Variants in CACNA2D4 observed in about 807,000 individuals in gnomAD.
CACNA2D4 encodes calcium voltage-gated channel auxiliary subunit alpha2delta 4.
In CACNA2D4, 157 loss-of-function variants were observed where a neutral mutation model predicts 163.8. The observed-to-expected ratio is 0.96, with a 90% CI of 0.84 to 1.09. The LOEUF (loss-of-function observed/expected upper bound fraction) is 1.09, where lower values mean the gene tolerates loss of function less well. Ranked by LOEUF, CACNA2D4 falls within the 50% of genes least tolerant of loss-of-function variation. The pLI, the probability that CACNA2D4 is intolerant of heterozygous loss-of-function variation, is 0.00. For synonymous variants in CACNA2D4, 598 were observed against 586.9 expected, an observed-to-expected ratio of 1.02 and a Z score of -0.27; for missense variants, 1,410 against 1,479.9, an observed-to-expected ratio of 0.95 and a Z score of 0.78.
chr12:1,864,031 C>G (rs1865585997), intron 18 of CACNA2D4, among the ~76,000 whole-genome samples: 1 of 152,256 alleles, frequency 6.6e-6, no homozygotes, highest in Admixed American at 6.5e-5. Context: ...CGTGAGTGGC[C>G]GGGCCCATCC....
In CACNA2D4 at chr12:1,810,173, G is replaced by A. The variant is rs527866892; in HGVS notation, c.2721+105C>T. 7 of 918,494 alleles carry A rather than the reference G, an allele frequency of 7.6e-6. No homozygotes were observed. In the East Asian group the frequency reaches 1.0e-4, roughly 13 times the overall value. 56.9% of individuals were successfully genotyped at this position (918,494 alleles called of 1,614,324 possible). A position where few individuals can be genotyped will look rare whatever the true frequency, so the allele number is the denominator to read the frequency against. On this transcript the variant is annotated intron_variant, in intron 29 of 37. Coordinates refer to ENST00000382722, the MANE Select transcript of CACNA2D4 (RefSeq NM_172364.5). Reference sequence around the variant, plus strand: ...TTCACCTGAATTGGCCCCGAACAGGGTTCCCTCCTGGGGCCGTGGGGCTCT... The same window carrying A: ...TTCACCTGAATTGGCCCCGAACAGGATTCCCTCCTGGGGCCGTGGGGCTCT...
chr12:1,855,902 G>A (rs1194111574), intron 22 of CACNA2D4, 110 bp downstream of exon 22: 3 of 751,298 alleles, frequency 4.0e-6, no homozygotes, highest in East Asian at 5.3e-5. Flanking sequence ...ATGTGCTAAT[G>A]GGATAGGGCT....
chr12:1,804,041 C>T (rs1863429293), intron 29 of CACNA2D4, among the ~76,000 whole-genome samples: 1 of 152,054 alleles, frequency 6.6e-6, no homozygotes, highest in Non-Finnish European at 1.5e-5. Context: ...TTCTTCACGG[C>T]GCAGCCCTGA....
At chr12:1,795,445 G>A (rs1424662499) in intron 36 of CACNA2D4, 64 bp from the exon 37 acceptor site, 1 of 1,484,854 alleles carries the variant, frequency 6.7e-7, no homozygotes, top group African/African-American at 1.4e-5. Context: ...ACTGGAAAAA[G>A]GTCTGGAAGA....
chr12:1,810,407 C>T (rs763687600), intron 28 of CACNA2D4, 67 bp from the exon 29 acceptor site: 1 of 1,554,300 alleles, frequency 6.4e-7, no homozygotes, highest in South Asian at 1.1e-5. Context: ...CAGCCTGTCC[C>T]CCAGCTCTGG....
intron 26 of CACNA2D4, among the ~76,000 whole-genome samples, chr12:1,826,702 T>G (rs545419621): frequency 0.011 from 1,316 of 122,442 alleles, 10 homozygotes; most frequent in Non-Finnish European, 0.019. Flanking sequence ...CAGGCTGCCC[T>G]TGCCGGGGGC....
At chr12:1,863,430 A>C (rs1487663247) in intron 18 of CACNA2D4, among the ~76,000 whole-genome samples, 1 of 152,194 alleles carries the variant, frequency 6.6e-6, no homozygotes, top group Non-Finnish European at 1.5e-5. Context: ...TTTTCATATA[A>C]ATTTTAGAAC....
At chr12:1,819,779 G>C (rs1003349539) in intron 26 of CACNA2D4, among the ~76,000 whole-genome samples, 15 of 152,326 alleles carry the variant, frequency 9.8e-5, no homozygotes, top group Non-Finnish European at 2.1e-4. Flanking sequence ...TCACAGATAA[G>C]AGCAAGGAGC....
chr12:1,799,985 G>C lies in CACNA2D4; in HGVS notation c.2974+15C>G. 1 of 1,599,814 alleles carries C rather than the reference G, an allele frequency of 6.3e-7. No individual in the cohort carries two copies. The highest frequency in any genetic ancestry group is 8.5e-7 in the Non-Finnish European group (1 of 1,173,418). ...CTGCTCTTCAGCACATGGCCCTGCA[G>C]CTCCGTGCACTCACCCTCGGCCCCT... On this transcript the variant is annotated intron_variant, in intron 33 of 37. Transcript: ENST00000382722. The surrounding 1 kb of genome is among the most constrained non-coding windows in gnomAD (Gnocchi z 4.7).
rs950454471 is a variant in CACNA2D4 at position 1,800,015 on chromosome 12, C to G, written c.2959G>C (p.Asp987His). 1 of 1,604,866 alleles carries G rather than the reference C, an allele frequency of 6.2e-7. No individual in the cohort carries two copies. The highest frequency in any genetic ancestry group is 8.5e-7 in the Non-Finnish European group (1 of 1,175,978). The change falls in exon 33 of 38, where the codon GAC becomes CAC. Residue 987 changes from aspartate to histidine, a missense_variant. Coordinates refer to ENST00000382722, the MANE Select transcript of CACNA2D4 (RefSeq NM_172364.5). ...GTGCACTCACCCTCGGCCCCTCTGT[C>G]GTACCAGGAGCCCCAGACACTCCAC... is the stretch of plus-strand genomic sequence containing the variant. ...LEWSVWGSWY[D>H]RGAEAKSVFH...
intron 26 of CACNA2D4, chr12:1,827,260 C>G (rs1228634641): frequency 7.0e-6 from 1 of 143,114 alleles, no homozygotes; most frequent in African/African-American, 2.6e-5. Flanking sequence ...AGCCTGTGTC[C>G]CAGTTGGGAG....
chr12:1,913,218 A>G (rs1216547846), intron 2 of CACNA2D4, 79 bp from the exon 3 acceptor site: 2 of 941,458 alleles, frequency 2.1e-6, no homozygotes, highest in East Asian at 2.5e-5. Flanking sequence ...ATGGCCTCCA[A>G]CCTCTCCACA....
At position 1,843,983 on chromosome 12, in the gene CACNA2D4, C is replaced by T. The variant is rs1865087440; in HGVS notation, c.2470+419G>A. Reference sequence around the variant, plus strand: ...TTCTTTCTGTTTGGGAAGAGCAGGGCAGCCCCACTGACTTAGTGAGTACTG... The same window carrying T: ...TTCTTTCTGTTTGGGAAGAGCAGGGTAGCCCCACTGACTTAGTGAGTACTG... On this transcript the variant is annotated intron_variant, in intron 25 of 37. Coordinates refer to ENST00000382722, the MANE Select transcript of CACNA2D4 (RefSeq NM_172364.5). The surrounding 1 kb of genome is among the most constrained non-coding windows in gnomAD (Gnocchi z 4.6). Among the ~76,000 whole-genome samples the T allele has an allele frequency of 6.6e-6, 1 of 152,134 alleles. No homozygotes were observed. Among genetic ancestry groups the T allele is most frequent in the South Asian group, 2.1e-4 (1 of 4,826 alleles).
rs74059401 is a variant in CACNA2D4 at position 1,844,680 on chromosome 12, C to T, written c.2343-151G>A. On this transcript the variant is annotated intron_variant, in intron 24 of 37. Coordinates refer to ENST00000382722, the MANE Select transcript of CACNA2D4 (RefSeq NM_172364.5). This position sits in a 1 kb window ranked among gnomAD's most constrained non-coding sequence, Gnocchi z 4.2. ...CCCCAGACAATGCTTCCCAGCAATT[C>T]TCGCCTTTTCCAGAAACAAAACGAT... 0.02 allele frequency among the ~76,000 whole-genome samples: 2,982 copies of T among 152,348 alleles called. 92 individuals carry two copies. The highest frequency in any genetic ancestry group is 0.061 in the African/African-American group (2,537 of 41,566).
At chr12:1,862,226 T>TA (rs1865540571) in intron 18 of CACNA2D4, among the ~76,000 whole-genome samples, 1 of 152,208 alleles carries the variant, frequency 6.6e-6, no homozygotes, top group Admixed American at 6.5e-5. Context: ...TTTCTCTTGG[T>TA]AAAAATCTAG....
intron 19 of CACNA2D4, among the ~76,000 whole-genome samples, chr12:1,859,322 A>C (rs952147156): frequency 1.3e-5 from 2 of 152,230 alleles, no homozygotes; most frequent in Middle Eastern, 3.4e-3. Context: ...GTGCCACGGC[A>C]CTTCAGCCTA....
chr12:1,831,018 G>C (rs1401988049), intron 26 of CACNA2D4: 6 of 1,614,000 alleles, frequency 3.7e-6, no homozygotes, highest in African/African-American at 1.3e-5. Flanking sequence ...CCGCAGCCTG[G>C]AGGTGGACTG....
chr12:1,909,186 ATTTG>A (rs1193654492), intron 4 of CACNA2D4, among the ~76,000 whole-genome samples: 3 of 137,546 alleles, frequency 2.2e-5, no homozygotes, highest in Admixed American at 2.1e-4. Flanking sequence ...TTGTTTATTT[ATTTG>A]TTTATTTATT....
In CACNA2D4 at chr12:1,831,453, G is replaced by A. The variant is rs376345593; in HGVS notation, c.2551+9286C>T. Reference sequence around the variant, plus strand: ...AGCAAACCTGCAGCTGCTGCAGGTCGGGGATAACCCCTGGGAGTGTGACTG... The same window carrying A: ...AGCAAACCTGCAGCTGCTGCAGGTCAGGGATAACCCCTGGGAGTGTGACTG... On this transcript the variant is annotated intron_variant, in intron 26 of 37. Coordinates refer to ENST00000382722, the MANE Select transcript of CACNA2D4 (RefSeq NM_172364.5). 120 of 1,614,088 alleles carry A rather than the reference G, an allele frequency of 7.4e-5. No homozygotes were observed. Among genetic ancestry groups the A allele is most frequent in the East Asian group, 3.8e-4 (17 of 44,872 alleles).
Sources: allele counts gnomAD v4.1 joint callset (sites outside exome capture counted in the v4.1 genomes callset), GRCh38; gene constraint gnomAD v4.1.1; non-coding constraint Gnocchi (gnomAD v3.1); transcripts MANE v1.5; gene names NCBI Gene and HGNC (gene_info 2026-07-23, HGNC 2026-07-21).